FHOD1: variants seen among roughly 807,000 people sequenced by gnomAD.
The protein encoded by FHOD1 is formin homology 2 domain containing 1.
In FHOD1, 89 loss-of-function variants were observed where a neutral mutation model predicts 111.6. That is an observed-to-expected ratio of 0.80 (90% CI 0.67 to 0.95). The LOEUF (loss-of-function observed/expected upper bound fraction) is 0.95. Among genes scored for constraint, FHOD1 ranks in the 40% least tolerant of loss-of-function variants. FHOD1 has a pLI of 0.00. For synonymous variants in FHOD1, 618 were observed against 639.0 expected (o/e 0.97, Z 0.50); for missense variants, 1,446 against 1,554.2 (o/e 0.93, Z 1.17).
At chr16:67,234,686 C>T in intron 11 of FHOD1, 1 of 523,162 alleles carries the variant, frequency 1.9e-6, no homozygotes, top group Non-Finnish European at 3.4e-6. Context: ...ACCCAGCATT[C>T]CCAGGTGAAA....
chr16:67,234,803 T>A (rs545684860), intron 11 of FHOD1: 17 of 282,090 alleles, frequency 6.0e-5, no homozygotes, highest in Non-Finnish European at 1.0e-4. Flanking sequence ...TCTCACTCTG[T>A]CAGTCACCCA....
In FHOD1 at chr16:67,247,435, G is replaced by A; in HGVS notation, c.-25C>T. ...TGGCTCTGCGGCCGGCTCACGCAGC[G>A]CGCCTCCGAGTCCCGGCCCCAGTGC... is the stretch of plus-strand genomic sequence containing the variant. On this transcript the variant is annotated 5_prime_UTR_variant, in exon 1 of 22. Transcript: ENST00000258201. 1.2e-6 allele frequency: 2 copies of A among 1,608,872 alleles called. No homozygotes were observed. Among genetic ancestry groups the A allele is most frequent in the South Asian group, 1.1e-5 (1 of 90,712 alleles).
chr16:67,246,008 G>A (rs2034810637), intron 1 of FHOD1, among the ~76,000 whole-genome samples: 1 of 152,234 alleles, frequency 6.6e-6, no homozygotes, highest in Non-Finnish European at 1.5e-5. Flanking sequence ...AGCGGGGGCT[G>A]AGTCAAAACT....
chr16:67,238,622 G>A lies in FHOD1; in HGVS notation c.374-175C>T. ...TGTGGAGTGCAGTGGCACAGTCATA[G>A]CTCACTGCAACCTCAAACTCCTAGC... On this transcript the variant is annotated intron_variant, in intron 3 of 21. Transcript: ENST00000258201. The surrounding 1 kb of genome is among the most constrained non-coding windows in gnomAD (Gnocchi z 4.2). 1.4e-6 allele frequency: 1 copy of A among 706,532 alleles called. No individual in the cohort carries two copies. The allele number at this position is 706,532 out of a possible 1,614,324, so 43.8% of individuals were successfully genotyped here.
intron 1 of FHOD1, among the ~76,000 whole-genome samples, chr16:67,243,062 C>G (rs1416127403): frequency 6.6e-6 from 1 of 151,432 alleles, no homozygotes; most frequent in Non-Finnish European, 1.5e-5. Flanking sequence ...ACTGTCTTAC[C>G]CAATATTTTT....
chr16:67,230,856 C>T (rs2034239434), intron 17 of FHOD1, 65 bp from the exon 18 acceptor site: 2 of 1,501,022 alleles, frequency 1.3e-6, no homozygotes, highest in Admixed American at 4.2e-5. Context: ...TGGCCCGAGG[C>T]TGCTTCTGGG....
chr16:67,238,800 C>G lies in FHOD1; in HGVS notation c.373+103G>C. ...GGATAGGGAGAGGAAGGAGCACATA[C>G]AGCTAAACCTACTTTGCTCACTGTT... is the stretch of plus-strand genomic sequence containing the variant. On this transcript the variant is annotated intron_variant, in intron 3 of 21. Transcript: ENST00000258201. This position sits in a 1 kb window ranked among gnomAD's most constrained non-coding sequence, Gnocchi z 4.2. The G allele has an allele frequency of 9.0e-7, 1 of 1,115,986 alleles. No individual in the cohort carries two copies. Among genetic ancestry groups the G allele is most frequent in the African/African-American group, 1.5e-5 (1 of 65,314 alleles). The allele number at this position is 1,115,986 out of a possible 1,614,324, so 69.1% of individuals were successfully genotyped here. A position where few individuals can be genotyped will look rare whatever the true frequency, so the allele number is the denominator to read the frequency against.
chr16:67,235,946 C>T (rs1053937304), intron 11 of FHOD1: 3 of 762,018 alleles, frequency 3.9e-6, no homozygotes, highest in Non-Finnish European at 4.8e-6. Flanking sequence ...CACGTGAAAC[C>T]CCTGCTGGGG....
At chr16:67,245,241 C>T (rs564260822) in intron 1 of FHOD1, among the ~76,000 whole-genome samples, 3 of 152,260 alleles carry the variant, frequency 2.0e-5, no homozygotes, top group Admixed American at 2.0e-4. Flanking sequence ...AACATGAAAT[C>T]GGGGAGACCA....
Position 67,237,151 on chromosome 16 carries a change from A to C in FHOD1, c.994-37T>G. On this transcript the variant is annotated intron_variant, in intron 9 of 21. Transcript: ENST00000258201. The surrounding 1 kb of genome is among the most constrained non-coding windows in gnomAD (Gnocchi z 5.6). ...GGACCAGGATGTAAGAAAGTGGTTA[A>C]CGTGTATGCAGGTGGGGTGGGGCGC... 6.2e-7 allele frequency: 1 copy of C among 1,601,730 alleles called. No individual in the cohort carries two copies. Among genetic ancestry groups the C allele is most frequent in the Non-Finnish European group, 8.5e-7 (1 of 1,172,506 alleles).
rs1279185843 is a variant in FHOD1 at position 67,230,930 on chromosome 16, A to G, written c.2668-139T>C. 138 of 962,222 alleles carry G rather than the reference A, an allele frequency of 1.4e-4. 3 individuals carry two copies. In the East Asian group the frequency reaches 3.5e-3, roughly 24 times the overall value. 59.6% of individuals were successfully genotyped at this position (962,222 alleles called of 1,614,324 possible). A position where few individuals can be genotyped will look rare whatever the true frequency, so the allele number is the denominator to read the frequency against. On this transcript the variant is annotated intron_variant, in intron 17 of 21. Coordinates refer to ENST00000258201, the MANE Select transcript of FHOD1 (RefSeq NM_013241.3). ...CAAATCTCATAGACTAGTGCAAGAGACACAAGTCCATCTGATGTGAATGGG... is the reference window on the plus strand; with the variant it reads ...CAAATCTCATAGACTAGTGCAAGAGGCACAAGTCCATCTGATGTGAATGGG...
At chr16:67,230,982 G>T in intron 17 of FHOD1, 191 bp from the exon 18 acceptor site, 3 of 831,224 alleles carry the variant, frequency 3.6e-6, no homozygotes, top group Non-Finnish European at 5.5e-6. Context: ...GGGGGAAGTG[G>T]CAGTTAAACA....
At position 67,236,748 on chromosome 16, in the gene FHOD1, T is replaced by C. The variant is rs749544803; in HGVS notation, c.1143-15A>G. On this transcript the variant is annotated splice_polypyrimidine_tract_variant and intron_variant, in intron 10 of 21. Coordinates refer to ENST00000258201, the MANE Select transcript of FHOD1 (RefSeq NM_013241.3). ...GGCCTGTGGGGCTGAAAGCAGGGGC[T>C]GTCAGTGGGGCGGGGCCTGAGAAGC... 28 of 1,396,900 alleles carry C rather than the reference T, an allele frequency of 2.0e-5. No individual in the cohort carries two copies. Among genetic ancestry groups the C allele is most frequent in the Admixed American group, 5.2e-5 (2 of 38,656 alleles). 86.5% of individuals were successfully genotyped at this position (1,396,900 alleles called of 1,614,324 possible). A position where few individuals can be genotyped will look rare whatever the true frequency, so the allele number is the denominator to read the frequency against.
chr16:67,232,497 T>G, intron 13 of FHOD1, among the ~76,000 whole-genome samples: 1 of 130,310 alleles, frequency 7.7e-6, no homozygotes, highest in African/African-American at 3.0e-5. Context: ...ACATCCTGGG[T>G]GACTGAGCAA....
In FHOD1 at chr16:67,234,098, A is replaced by G; in HGVS notation, c.1605T>C (p.Arg535=). 1 of 1,598,786 alleles carries G rather than the reference A, an allele frequency of 6.3e-7. No individual in the cohort carries two copies. Among genetic ancestry groups the G allele is most frequent in the Non-Finnish European group, 8.5e-7 (1 of 1,169,984 alleles). The change falls in exon 13 of 22, where the codon CGT becomes CGC. Residue 535 remains arginine, a synonymous_variant. Coordinates refer to ENST00000258201, the MANE Select transcript of FHOD1 (RefSeq NM_013241.3). ...KAEPIWELPT[R]APRLSIGDLD... ...GGTCCCCAATAGAGAGCCTGGGTGC[A>G]CGGGTAGGGAGCTCCCAGATGGGCT...
intron 1 of FHOD1, chr16:67,246,950 G>A (rs2034868231): frequency 2.1e-6 from 1 of 477,806 alleles, no homozygotes; most frequent in Non-Finnish European, 3.7e-6. Flanking sequence ...AGTGGAACTC[G>A]AGCACCTCCC....
chr16:67,237,154 T>G lies in FHOD1; in HGVS notation c.994-40A>C. 6.2e-7 allele frequency: 1 copy of G among 1,601,348 alleles called. No individual in the cohort carries two copies. Among genetic ancestry groups the G allele is most frequent in the Non-Finnish European group, 8.5e-7 (1 of 1,172,200 alleles). On this transcript the variant is annotated intron_variant, in intron 9 of 21. Coordinates refer to ENST00000258201, the MANE Select transcript of FHOD1 (RefSeq NM_013241.3). This position sits in a 1 kb window ranked among gnomAD's most constrained non-coding sequence, Gnocchi z 5.6. Reference sequence around the variant, plus strand: ...CCAGGATGTAAGAAAGTGGTTAACGTGTATGCAGGTGGGGTGGGGCGCTGG... The same window carrying G: ...CCAGGATGTAAGAAAGTGGTTAACGGGTATGCAGGTGGGGTGGGGCGCTGG...
At position 67,234,370 on chromosome 16, in the gene FHOD1, C is replaced by T. The variant is rs146941627; in HGVS notation, c.1422G>A (p.Ala474=). 3.4e-5 allele frequency: 54 copies of T among 1,610,462 alleles called. No individual in the cohort carries two copies. Among genetic ancestry groups the T allele is most frequent in the Non-Finnish European group, 4.2e-5 (50 of 1,179,480 alleles). The change falls in exon 12 of 22, where the codon GCG becomes GCA. Residue 474 remains alanine (A), a synonymous_variant. Coordinates refer to ENST00000258201, the MANE Select transcript of FHOD1 (RefSeq NM_013241.3). The part of the protein sequence containing the change: ...ETLAGAMPNE[A]GGHPDARQLW... ...CCACCTACTCACCTGGGTGTCCACC[C>T]GCCTCATTGGGCATGGCCCCGGCAA...
chr16:67,242,054 T>G (rs2034683126), intron 1 of FHOD1, among the ~76,000 whole-genome samples: 1 of 152,086 alleles, frequency 6.6e-6, no homozygotes, highest in Non-Finnish European at 1.5e-5. Context: ...CTGCAACCTC[T>G]GCCTCCTGGG....
Sources: allele counts gnomAD v4.1 joint callset (sites outside exome capture counted in the v4.1 genomes callset), GRCh38; gene constraint gnomAD v4.1.1; non-coding constraint Gnocchi (gnomAD v3.1); transcripts MANE v1.5; gene names NCBI Gene and HGNC (gene_info 2026-07-23, HGNC 2026-07-21).